Variants in PRKCA observed in about 807,000 individuals in gnomAD.
PRKCA encodes protein kinase C alpha type.
A neutral mutation model predicts 87.0 loss-of-function variants in PRKCA; 27 were observed. That is an observed-to-expected ratio of 0.31 (90% CI 0.23 to 0.43). The LOEUF is 0.43. PRKCA is among the 20% of genes least tolerant of loss of function. The pLI, the probability that PRKCA is intolerant of heterozygous loss-of-function variation, is 1.00. For synonymous variants in PRKCA, 329 were observed against 311.1 expected, an observed-to-expected ratio of 1.06 and a Z score of -0.61; for missense variants, 518 against 852.3, an observed-to-expected ratio of 0.61 and a Z score of 4.88.
chr17:66,705,036 AC>A (rs1274842338), intron 8 of PRKCA, among the ~76,000 whole-genome samples: 1 of 152,212 alleles, frequency 6.6e-6, no homozygotes, highest in Non-Finnish European at 1.5e-5. Context: ...TGCCACGGTT[AC>A]TATGGAAACC....
chr17:66,557,497 T>C (rs1163079108), intron 3 of PRKCA, among the ~76,000 whole-genome samples: 1 of 152,018 alleles, frequency 6.6e-6, no homozygotes, highest in African/African-American at 2.4e-5. Flanking sequence ...TCTTAAAATG[T>C]CTCAAGAAAA....
intron 8 of PRKCA, among the ~76,000 whole-genome samples, chr17:66,713,680 G>T (rs925736422): frequency 3.3e-5 from 5 of 152,180 alleles, no homozygotes; most frequent in African/African-American, 7.2e-5. Context: ...TGATAATAGC[G>T]TGCCACCGCT....
intron 5 of PRKCA, among the ~76,000 whole-genome samples, chr17:66,671,782 A>C (rs905366437): frequency 2.6e-5 from 4 of 152,204 alleles, no homozygotes; most frequent in Non-Finnish European, 5.9e-5. Flanking sequence ...CATGCATTGG[A>C]AATCTAGAAC....
chr17:66,612,531 A>G (rs1452893288), intron 3 of PRKCA, among the ~76,000 whole-genome samples: 1 of 152,164 alleles, frequency 6.6e-6, no homozygotes, highest in Non-Finnish European at 1.5e-5. Context: ...TTGGTAATAT[A>G]TAAATAGAGT....
At chr17:66,491,871 C>A (rs1007984067) in intron 2 of PRKCA, among the ~76,000 whole-genome samples, 3 of 152,240 alleles carry the variant, frequency 2.0e-5, no homozygotes, top group Non-Finnish European at 4.4e-5. Flanking sequence ...GGCTGTTGCT[C>A]AGTTTTCTGG....
intron 2 of PRKCA, among the ~76,000 whole-genome samples, chr17:66,435,851 T>C (rs906494762): frequency 1.3e-5 from 2 of 152,088 alleles, no homozygotes; most frequent in Non-Finnish European, 2.9e-5. Context: ...GATGCAGGCA[T>C]AGCGCTAAGA....
At chr17:66,649,504 G>A (rs779142765) in intron 5 of PRKCA, among the ~76,000 whole-genome samples, 3 of 152,166 alleles carry the variant, frequency 2.0e-5, no homozygotes, top group Non-Finnish European at 2.9e-5. Context: ...ATGAGCAAAG[G>A]AGCTGAGAGA....
intron 2 of PRKCA, among the ~76,000 whole-genome samples, chr17:66,437,589 A>G (rs1191497041): frequency 6.6e-6 from 1 of 152,154 alleles, no homozygotes; most frequent in African/African-American, 2.4e-5. Flanking sequence ...GCAGAGCCCC[A>G]GAGCCAGAGG....
At chr17:66,777,421 T>TGGGGGGGGGGGGGGCGGGGG in intron 14 of PRKCA, 1 of 256,692 alleles carries the variant, frequency 3.9e-6, no homozygotes. Flanking sequence ...TTTATTTAGT[T>TGGGGGGGGGGGGGGCGGGGG]CCCCTCCCCC....
intron 3 of PRKCA, among the ~76,000 whole-genome samples, chr17:66,502,669 T>G (rs1427730681): frequency 6.6e-6 from 1 of 152,022 alleles, no homozygotes; most frequent in African/African-American, 2.4e-5. Context: ...GCTTTCTTTT[T>G]TTTTGAGACG....
At position 66,806,096 on chromosome 17, in the gene PRKCA, T is replaced by C. The variant is rs947906226; in HGVS notation, c.*2059T>C. 6.6e-6 allele frequency: 1 copy of C among 152,286 alleles called. No homozygotes were observed. Among genetic ancestry groups the C allele is most frequent in the Non-Finnish European group, 1.5e-5 (1 of 68,098 alleles). The allele number at this position is 152,286 out of a possible 1,614,324, so 9.4% of individuals were successfully genotyped here. A position where few individuals can be genotyped will look rare whatever the true frequency, so the allele number is the denominator to read the frequency against. The stretch of plus-strand genomic sequence containing the variant: ...GCGCTGCTTTGGTGAGACACCCCCA[T>C]GCAAGGTCCTCAGAGTAGCCGGGTT... On this transcript the variant is annotated 3_prime_UTR_variant, in exon 17 of 17. Coordinates refer to ENST00000413366, the MANE Select transcript of PRKCA (RefSeq NM_002737.3).
chr17:66,710,312 A>C (rs1021155529), intron 8 of PRKCA, among the ~76,000 whole-genome samples: 1 of 151,978 alleles, frequency 6.6e-6, no homozygotes, highest in Non-Finnish European at 1.5e-5. Context: ...GCCTGCCTGC[A>C]TCATAATTGG....
intron 2 of PRKCA, among the ~76,000 whole-genome samples, chr17:66,388,549 C>G (rs1175961953): frequency 2.6e-5 from 4 of 152,140 alleles, no homozygotes; most frequent in African/African-American, 9.7e-5. Context: ...CCGCCTTAGC[C>G]TCCCAAAGTG....
chr17:66,773,829 T>C (rs560008641), intron 13 of PRKCA, among the ~76,000 whole-genome samples, 158 bp from the exon 14 acceptor site: 2 of 152,036 alleles, frequency 1.3e-5, no homozygotes, highest in Non-Finnish European at 2.9e-5. Flanking sequence ...TGTGTCTGAT[T>C]TGAAGGGTCC....
chr17:66,798,398 GTGGTGGTGATGGTGA>G (rs1975724857), intron 16 of PRKCA, among the ~76,000 whole-genome samples: 3 of 109,688 alleles, frequency 2.7e-5, no homozygotes, highest in Non-Finnish European at 1.8e-5. Flanking sequence ...GGTGGTGGTG[GTGGTGGTGATGGTGA>G]TGGTGGTGGT....
chr17:66,526,730 G>GA (rs1035625468), intron 3 of PRKCA, among the ~76,000 whole-genome samples: 5 of 151,676 alleles, frequency 3.3e-5, no homozygotes, highest in African/African-American at 7.3e-5. Context: ...AAAGTCATAT[G>GA]AAAAAAAAGG....
intron 3 of PRKCA, among the ~76,000 whole-genome samples, chr17:66,631,819 A>G (rs934764898): frequency 6.6e-6 from 1 of 152,214 alleles, no homozygotes; most frequent in African/African-American, 2.4e-5. Flanking sequence ...CCGTAAATAT[A>G]TACACCTATG....
intron 2 of PRKCA, among the ~76,000 whole-genome samples, chr17:66,329,254 C>T (rs1049686763): frequency 6.6e-6 from 1 of 152,108 alleles, no homozygotes; most frequent in African/African-American, 2.4e-5. Context: ...ACTGTGGTGC[C>T]ATTCACTATT....
chr17:66,805,100 C>T lies in PRKCA; in HGVS notation c.*1063C>T. On this transcript the variant is annotated 3_prime_UTR_variant, in exon 17 of 17. Transcript: ENST00000413366. ...AGCCTCTACCGATTGATTTTCCTCC[C>T]TTCTCTAGCCCTGGATGTCCACTTA... 1.0e-6 allele frequency: 1 copy of T among 984,066 alleles called. No homozygotes were observed. Among genetic ancestry groups the T allele is most frequent in the Non-Finnish European group, 1.2e-6 (1 of 828,684 alleles). The allele number at this position is 984,066 out of a possible 1,614,324, so 61.0% of individuals were successfully genotyped here. A position where few individuals can be genotyped will look rare whatever the true frequency, so the allele number is the denominator to read the frequency against.
Sources: gnomAD v4.1 joint callset for allele counts (sites outside exome capture counted in the v4.1 genomes callset) on GRCh38, gnomAD v4.1.1 for gene constraint, MANE v1.5 for transcripts, NCBI Gene and HGNC (gene_info 2026-07-23, HGNC 2026-07-21) for gene names.